Variants in PENK observed in about 807,000 individuals in gnomAD.
PENK encodes proenkephalin, also known as proenkephalin-A.
A neutral mutation model predicts 24.1 loss-of-function variants in PENK; 25 were observed. The ratio of observed to expected loss-of-function variants is 1.04; its 90% CI spans 0.76 to 1.45. The LOEUF (loss-of-function observed/expected upper bound fraction) is 1.45, where lower values mean the gene tolerates loss of function less well. Ranked by LOEUF, PENK falls within the 40% of genes most tolerant of loss-of-function variation. PENK has a pLI of 0.00. For synonymous variants in PENK, 135 were observed against 130.3 expected (o/e 1.04, Z -0.24); for missense variants, 353 against 337.9 (o/e 1.04, Z -0.35).
intron 3 of PENK, among the ~76,000 whole-genome samples, chr8:56,444,987 A>T (rs923651061): frequency 4.6e-5 from 7 of 152,250 alleles, no homozygotes; most frequent in Non-Finnish European, 8.8e-5. Context: ...TCGACAGCCC[A>T]TGGGGAACCA....
At chr8:56,445,294 G>A in intron 3 of PENK, 1 of 223,156 alleles carries the variant, frequency 4.5e-6, no homozygotes, top group East Asian at 9.4e-5. Context: ...TACAGGTGAG[G>A]GTAGGGAATG....
chr8:56,444,199 T>C (rs6997803), intron 3 of PENK, among the ~76,000 whole-genome samples: 7,556 of 152,324 alleles, frequency 0.05, 620 homozygotes, highest in African/African-American at 0.17. Flanking sequence ...AAAAAACCCA[T>C]TTGAATAGGC....
At chr8:56,445,098 C>T (rs1199179019) in intron 3 of PENK, 1 of 152,774 alleles carries the variant, frequency 6.5e-6, no homozygotes, top group Admixed American at 6.5e-5. Context: ...ACACTGGCCA[C>T]TTCTCTTGTT....
Position 56,441,217 on chromosome 8 carries a change from A to G in PENK, c.*55T>C, listed in dbSNP as rs1364726230. ...AATAAAACACCATCAACAGTTTCCC[A>G]CTGGAGGATGGAGGGAGGCTTGCTG... is the stretch of plus-strand genomic sequence containing the variant. On this transcript the variant is annotated 3_prime_UTR_variant, in exon 4 of 4. Transcript: ENST00000451791. 2 of 1,214,446 alleles carry G rather than the reference A, an allele frequency of 1.6e-6. No homozygotes were observed. The highest frequency in any genetic ancestry group is 2.3e-6 in the Non-Finnish European group (2 of 852,436). The allele number at this position is 1,214,446 out of a possible 1,614,324, so 75.2% of individuals were successfully genotyped here. A position where few individuals can be genotyped will look rare whatever the true frequency, so the allele number is the denominator to read the frequency against.
chr8:56,444,770 T>G (rs948102738), intron 3 of PENK, among the ~76,000 whole-genome samples: 1 of 152,204 alleles, frequency 6.6e-6, no homozygotes, highest in African/African-American at 2.4e-5. Context: ...ATTTCAAACA[T>G]CTACATAAGG....
chr8:56,441,516 C>T lies in PENK; in HGVS notation c.560G>A (p.Gly187Glu). 1.2e-6 allele frequency: 2 copies of T among 1,613,642 alleles called. No individual in the cohort carries two copies. Among genetic ancestry groups the T allele is most frequent in the Non-Finnish European group, 8.5e-7 (1 of 1,179,968 alleles). ...TCTCTTTAAGCCTCTCATGAAGCCC[C>T]CATATCTCTTGCTCACTTCTTCCTC... is the stretch of plus-strand genomic sequence containing the variant. Reference protein sequence around the residue: ...DNEEEVSKRYGGFMRGLKRSP... With the variant: ...DNEEEVSKRYEGFMRGLKRSP... Residue 187 changes from glycine to glutamate, a missense_variant, in exon 4 of 4, where the codon GGG becomes GAG. Gly to Glu is a moderately conservative substitution (Grantham distance 98). Transcript: ENST00000451791.
At position 56,441,464 on chromosome 8, in the gene PENK, T is replaced by G. The variant is rs1261443892; in HGVS notation, c.612A>C (p.Lys204Asn). ...KRSPQLEDEA[K>N]ELQKRYGGFM... is the part of the protein sequence containing the mutation. The stretch of plus-strand genomic sequence containing the variant: ...AGCCCCCATATCGCTTCTGCAGCTC[T>G]TTGGCTTCATCTTCCAGTTGGGGGC... Residue 204 changes from lysine (K) to asparagine (N), a missense_variant, in exon 4 of 4, where the codon AAA becomes AAC. By Grantham distance (94) the Lys-to-Asn change is moderately conservative. Transcript: ENST00000451791. 6.2e-7 allele frequency: 1 copy of G among 1,613,348 alleles called. No homozygotes were observed. Among genetic ancestry groups the G allele is most frequent in the East Asian group, 2.2e-5 (1 of 44,824 alleles).
rs756244707 is a variant in PENK, at chr8:56,445,805, G to GC, written c.138+10dup. On this transcript the variant is annotated intron_variant, in intron 3 of 3. Coordinates refer to ENST00000451791, the MANE Select transcript of PENK (RefSeq NM_001135690.3). The stretch of plus-strand genomic sequence containing the variant: ...ACAAGGTGCGCAACACTCGCCGCGC[G>GC]CAACACTCACCAGGAAGTTGATGTC... The GC allele has an allele frequency of 1.0e-4, 165 of 1,613,184 alleles. No individual in the cohort carries two copies. Among genetic ancestry groups the GC allele is most frequent in the Non-Finnish European group, 1.4e-4 (163 of 1,179,856 alleles).
In PENK at chr8:56,441,585, CCT is replaced by C. The variant is rs373744842; in HGVS notation, c.489_490del (p.Asp165GlnfsTer5). On this transcript the variant is annotated frameshift_variant, in exon 4 of 4. Coordinates refer to ENST00000451791, the MANE Select transcript of PENK (RefSeq NM_001135690.3). LOFTEE classifies it high-confidence loss of function. ...GTGGTGGCTACGCTCTCGGTTGTCC[CCT>C]GTTTCCAGAAGCTCTTTTAGCAGGT... 306 of 1,613,988 alleles carry C rather than the reference CCT, an allele frequency of 1.9e-4. No homozygotes were observed. Among genetic ancestry groups the C allele is most frequent in the African/African-American group, 5.3e-4 (40 of 74,988 alleles).
intron 2 of PENK, 143 bp downstream of exon 2, chr8:56,446,283 G>A (rs1395491557): frequency 8.5e-6 from 3 of 354,266 alleles, no homozygotes; most frequent in African/African-American, 2.1e-5. Flanking sequence ...GGAGCCGGGG[G>A]AGGCAGGACA....
At position 56,445,914 on chromosome 8, in the gene PENK, G is replaced by A; in HGVS notation, c.40C>T (p.Leu14Phe). The A allele has an allele frequency of 6.2e-7, 1 of 1,612,298 alleles. No individual in the cohort carries two copies. The highest frequency in any genetic ancestry group is 8.5e-7 in the Non-Finnish European group (1 of 1,179,586). ...FLTLCTWLLL[L>F]GPGLLATVRA... ...ACGGTCGCCAGGAGCCCGGGGCCGAGCAACAGCAGCCAAGTGCAAAGTGTC... is the reference window on the plus strand; with the variant it reads ...ACGGTCGCCAGGAGCCCGGGGCCGAACAACAGCAGCCAAGTGCAAAGTGTC... The change falls in exon 3 of 4, where the codon CTC (leucine) becomes TTC (phenylalanine). Residue 14 changes from leucine to phenylalanine, a missense_variant. By Grantham distance (22) the Leu-to-Phe change is conservative. Coordinates refer to ENST00000451791, the MANE Select transcript of PENK (RefSeq NM_001135690.3).
At chr8:56,442,917 A>G (rs1804586106) in intron 3 of PENK, among the ~76,000 whole-genome samples, 1 of 152,078 alleles carries the variant, frequency 6.6e-6, no homozygotes, top group Non-Finnish European at 1.5e-5. Flanking sequence ...GGGTATGATA[A>G]AGAGAGTACT....
intron 3 of PENK, 38 bp downstream of exon 3, chr8:56,445,778 T>C: frequency 6.2e-7 from 1 of 1,612,894 alleles, no homozygotes; most frequent in African/African-American, 1.3e-5. Flanking sequence ...AAACTCTGTC[T>C]CACAAGGTGC....
chr8:56,444,622 A>AT (rs1804619974), intron 3 of PENK, among the ~76,000 whole-genome samples: 1 of 152,218 alleles, frequency 6.6e-6, no homozygotes, highest in African/African-American at 2.4e-5. Flanking sequence ...AAGATGAAAC[A>AT]TTTTTCTCAT....
At position 56,441,751 on chromosome 8, in the gene PENK, C is replaced by T. The variant is rs1804562173; in HGVS notation, c.325G>A (p.Gly109Ser). The change falls in exon 4 of 4, where the codon GGC becomes AGC. Residue 109 changes from glycine to serine, a missense_variant. Coordinates refer to ENST00000451791, the MANE Select transcript of PENK (RefSeq NM_001135690.3). Reference sequence around the variant, plus strand: ...AGCTCATCCATTTTCTTCATGAAGCCTCCATACCTTTTCATGAAGCCCCCA... The same window carrying T: ...AGCTCATCCATTTTCTTCATGAAGCTTCCATACCTTTTCATGAAGCCCCCA... ...RYGGFMKRYG[G>S]FMKKMDELYP... The T allele has an allele frequency of 6.2e-7, 1 of 1,609,434 alleles. No homozygotes were observed. Among genetic ancestry groups the T allele is most frequent in the Non-Finnish European group, 8.5e-7 (1 of 1,179,798 alleles).
chr8:56,441,667 C>A lies in PENK; in HGVS notation c.409G>T (p.Gly137Trp), dbSNP rs781389076. 1 of 1,614,130 alleles carries A rather than the reference C, an allele frequency of 6.2e-7. No individual in the cohort carries two copies. Among genetic ancestry groups the A allele is most frequent in the East Asian group, 2.2e-5 (1 of 44,880 alleles). ...NGSEILAKRY[G>W]GFMKKDAEED... ...TCTGCATCCTTCTTCATGAAGCCCC[C>A]ATACCGCTTGGCGAGGATCTCACTT... The change falls in exon 4 of 4, where the codon GGG becomes TGG. Residue 137 changes from glycine to tryptophan, a missense_variant. Physicochemically the swap from Gly to Trp is radical, Grantham distance 184. Coordinates refer to ENST00000451791, the MANE Select transcript of PENK (RefSeq NM_001135690.3).
chr8:56,445,894 C>A lies in PENK; in HGVS notation c.60G>T (p.Ala20=), dbSNP rs754433005. The A allele has an allele frequency of 6.2e-7, 1 of 1,612,798 alleles. No homozygotes were observed. ...WLLLLGPGLL[A]TVRAECSQDC... is the part of the protein sequence containing the mutation. ...CCTGGCTGCATTCGGCCCGCACGGT[C>A]GCCAGGAGCCCGGGGCCGAGCAACA... The change falls in exon 3 of 4, where the codon GCG becomes GCT. Residue 20 remains alanine (A), a synonymous_variant. Coordinates refer to ENST00000451791, the MANE Select transcript of PENK (RefSeq NM_001135690.3).
chr8:56,445,531 T>C lies in PENK; in HGVS notation c.138+285A>G, dbSNP rs562993901. ...TGCTGAACAGAGGACTTCTCGGGGT[T>C]CCCGAATTCCCAGGGTTAAAACAAA... On this transcript the variant is annotated intron_variant, in intron 3 of 3. Transcript: ENST00000451791. 48 of 600,874 alleles carry C rather than the reference T, an allele frequency of 8.0e-5. No individual in the cohort carries two copies. The African/African-American group carries it at 8.3e-4, about 10-fold the overall frequency. 37.2% of individuals were successfully genotyped at this position (600,874 alleles called of 1,614,324 possible).
In PENK at chr8:56,445,823, T is replaced by G; in HGVS notation, c.131A>C (p.Asn44Thr). Residue 44 changes from asparagine to threonine, a missense_variant, in exon 3 of 4, where the codon AAC (asparagine) becomes ACC (threonine). Physicochemically the swap from Asn to Thr is moderately conservative, Grantham distance 65. Coordinates refer to ENST00000451791, the MANE Select transcript of PENK (RefSeq NM_001135690.3). The stretch of plus-strand genomic sequence containing the variant: ...GCCGCGCGCAACACTCACCAGGAAG[T>G]TGATGTCGGCCGGGCGCACTAGGCG... The part of the protein sequence containing the change: ...SYRLVRPADI[N>T]FLACVMECEG... The G allele has an allele frequency of 6.2e-7, 1 of 1,613,400 alleles. No individual in the cohort carries two copies. The highest frequency in any genetic ancestry group is 1.1e-5 in the South Asian group (1 of 91,088).
Sources: allele counts gnomAD v4.1 joint callset (sites outside exome capture counted in the v4.1 genomes callset), GRCh38; gene constraint gnomAD v4.1.1; transcripts MANE v1.5; gene names NCBI Gene and HGNC (gene_info 2026-07-23, HGNC 2026-07-21).